Variants in SLCO2A1 observed in about 807,000 individuals in gnomAD.
SLCO2A1 encodes solute carrier organic anion transporter family member 2A1, also known as matrin F/G 1.
Under a neutral mutation model 71.7 loss-of-function variants are expected in SLCO2A1, and 60 were observed. The ratio of observed to expected loss-of-function variants is 0.84; its 90% CI spans 0.68 to 1.04. The LOEUF is 1.04. SLCO2A1 is among the 50% of genes least tolerant of loss of function. SLCO2A1 has a pLI of 0.00. For missense variants in SLCO2A1, 745 were observed against 813.4 expected (o/e 0.92, Z 1.02); for synonymous variants, 308 against 326.7 (o/e 0.94, Z 0.62).
chr3:133,963,930 A>G (rs1380487026), intron 3 of SLCO2A1, among the ~76,000 whole-genome samples: 1 of 152,246 alleles, frequency 6.6e-6, no homozygotes, highest in Non-Finnish European at 1.5e-5. Context: ...ATGATCTGAG[A>G]TCCCAAAGTC....
intron 1 of SLCO2A1, among the ~76,000 whole-genome samples, chr3:134,008,661 G>A (rs1342199710): frequency 2.6e-5 from 4 of 152,128 alleles, no homozygotes; most frequent in Admixed American, 2.6e-4. Flanking sequence ...TACATGGCAA[G>A]GAGCCAATCA....
intron 12 of SLCO2A1, among the ~76,000 whole-genome samples, chr3:133,937,691 A>C (rs746617181): frequency 2.6e-5 from 4 of 152,124 alleles, no homozygotes; most frequent in Non-Finnish European, 5.9e-5. Context: ...CCCTTAATTA[A>C]CACATCCTCA....
Position 133,949,817 on chromosome 3 carries a change from GTTTTTTA to G in SLCO2A1, c.862-853_862-847del, listed in dbSNP as rs201950241. Among the ~76,000 whole-genome samples the G allele has an allele frequency of 4.6e-4, 70 of 152,190 alleles. No individual in the cohort carries two copies. The East Asian group carries it at 0.013, about 29-fold the overall frequency. ...GCGAAGCTCACTCAGCTAGTTCATT[GTTTTTTA>G]TTTTTTATTTTTATTTTTTTAGAGA... On this transcript the variant is annotated intron_variant, in intron 6 of 13. Transcript: ENST00000310926.
chr3:133,950,423 A>C (rs144402477), intron 6 of SLCO2A1, among the ~76,000 whole-genome samples: 2,489 of 152,258 alleles, frequency 0.016, 27 homozygotes, highest in Non-Finnish European at 0.026. Flanking sequence ...CATCCACCCT[A>C]GGAATGTCTA....
intron 3 of SLCO2A1, among the ~76,000 whole-genome samples, chr3:133,967,348 T>C (rs1576438619): frequency 6.6e-6 from 1 of 152,300 alleles, no homozygotes; most frequent in Admixed American, 6.5e-5. Flanking sequence ...CAGCTACTTT[T>C]ATGTCACGGC....
chr3:133,979,746 C>G, intron 1 of SLCO2A1, 128 bp from the exon 2 acceptor site: 1 of 955,052 alleles, frequency 1.0e-6, no homozygotes, highest in Non-Finnish European at 1.5e-6. Context: ...CAGTTACTTC[C>G]CAGGGTCTCC....
chr3:133,948,618 G>T lies in SLCO2A1; in HGVS notation c.1023C>A (p.Val341=). The T allele has an allele frequency of 6.2e-7, 1 of 1,614,160 alleles. No individual in the cohort carries two copies. The highest frequency in any genetic ancestry group is 2.2e-5 in the East Asian group (1 of 44,864). ...TGAGGAAGGTGGAGAGGCCAGCAAT[G>T]ACGGAGGAGAAGGTGCACTGGGCCA... The part of the protein sequence containing the change: ...VVLAQCTFSS[V]IAGLSTFLNK... Residue 341 remains valine, a synonymous_variant, in exon 8 of 14, where the codon GTC becomes GTA. Coordinates refer to ENST00000310926, the MANE Select transcript of SLCO2A1 (RefSeq NM_005630.3).
chr3:133,943,132 T>C lies in SLCO2A1; in HGVS notation c.1462-364A>G, dbSNP rs555952190. The stretch of plus-strand genomic sequence containing the variant: ...GCAGTGGTGGTTTTGCAGATTGTTG[T>C]TTTTGCTGTTTGTGTGTTTATTGCA... On this transcript the variant is annotated intron_variant, in intron 10 of 13. Coordinates refer to ENST00000310926, the MANE Select transcript of SLCO2A1 (RefSeq NM_005630.3). Among the ~76,000 whole-genome samples the C allele has an allele frequency of 9.9e-5, 15 of 152,210 alleles. No individual in the cohort carries two copies. In the East Asian group the frequency reaches 2.9e-3, roughly 29 times the overall value.
intron 3 of SLCO2A1, among the ~76,000 whole-genome samples, chr3:133,961,497 A>AGAT (rs753994519): frequency 7.1e-4 from 108 of 152,334 alleles, no homozygotes; most frequent in Non-Finnish European, 1.4e-3. Flanking sequence ...TGGTCATCAA[A>AGAT]GATGGTAAAA....
At chr3:133,945,348 G>A (rs1933547602) in intron 9 of SLCO2A1, 88 bp from the exon 10 acceptor site, 3 of 1,294,072 alleles carry the variant, frequency 2.3e-6, no homozygotes, top group Non-Finnish European at 3.2e-6. Flanking sequence ...TCCTGGCCTG[G>A]TGAGTGTGTC....
intron 1 of SLCO2A1, among the ~76,000 whole-genome samples, chr3:133,983,929 G>A (rs1354746639): frequency 6.6e-6 from 1 of 152,204 alleles, no homozygotes; most frequent in East Asian, 1.9e-4. Flanking sequence ...CGTGAAAGAA[G>A]AGACGGGGCT....
intron 3 of SLCO2A1, among the ~76,000 whole-genome samples, chr3:133,957,170 G>A (rs999436122): frequency 9.9e-5 from 15 of 152,080 alleles, no homozygotes; most frequent in Admixed American, 1.3e-4. Flanking sequence ...TGACGTCACC[G>A]ATCTTGCTCA....
rs544284615 is a variant in SLCO2A1 at position 134,000,415 on chromosome 3, T to C, written c.97-20797A>G. On this transcript the variant is annotated intron_variant, in intron 1 of 13. Transcript: ENST00000310926. ...AAGGGAAAAGGGCCGATGGGAGGTG[T>C]TGAGGGAGAAGCTAGGCACCTTCTG... Among the ~76,000 whole-genome samples the C allele has an allele frequency of 2.0e-5, 3 of 151,938 alleles. No homozygotes were observed. In the South Asian group the frequency reaches 6.3e-4, roughly 32 times the overall value.
intron 3 of SLCO2A1, among the ~76,000 whole-genome samples, chr3:133,964,053 A>C (rs938438509): frequency 5.9e-5 from 9 of 152,252 alleles, no homozygotes; most frequent in Admixed American, 5.9e-4. Flanking sequence ...TTCCAGCTAA[A>C]CTAAGCCTCC....
chr3:134,013,160 G>T (rs982853314), intron 1 of SLCO2A1, among the ~76,000 whole-genome samples: 3 of 152,182 alleles, frequency 2.0e-5, no homozygotes, highest in African/African-American at 7.2e-5. Flanking sequence ...ACACTCAATA[G>T]ATGTTTACAG....
At chr3:133,938,325 T>G in intron 12 of SLCO2A1, 104 bp downstream of exon 12, 12 of 984,056 alleles carry the variant, frequency 1.2e-5, no homozygotes, top group East Asian at 2.4e-5. Context: ...CTCTTCGCCA[T>G]GGAGATGAGA....
intron 1 of SLCO2A1, among the ~76,000 whole-genome samples, chr3:134,008,041 C>T (rs1318720683): frequency 6.6e-6 from 1 of 152,170 alleles, no homozygotes; most frequent in Non-Finnish European, 1.5e-5. Context: ...TATGGTTCAT[C>T]TTACCCCACC....
At chr3:133,946,236 GAAA>G (rs113147743) in intron 9 of SLCO2A1, among the ~76,000 whole-genome samples, 1 of 94,430 alleles carries the variant, frequency 1.1e-5, no homozygotes. Context: ...TCATTTCAAA[GAAA>G]AAAAAAAAAA....
At chr3:133,973,176 A>T (rs1934369108) in intron 3 of SLCO2A1, among the ~76,000 whole-genome samples, 1 of 152,214 alleles carries the variant, frequency 6.6e-6, no homozygotes, top group Non-Finnish European at 1.5e-5. Context: ...TCATACATCA[A>T]TGTTAAATAT....
Sources: gnomAD v4.1 joint callset for allele counts (sites outside exome capture counted in the v4.1 genomes callset) on GRCh38, gnomAD v4.1.1 for gene constraint, MANE v1.5 for transcripts, NCBI Gene and HGNC (gene_info 2026-07-23, HGNC 2026-07-21) for gene names.